The following SOBP variants were observed in gnomAD, a reference collection of about 807,000 sequenced individuals.
SOBP encodes sine oculis-binding protein homolog.
A neutral mutation model predicts 53.6 loss-of-function variants in SOBP; 4 were observed. The ratio of observed to expected loss-of-function variants is 0.07; its 90% CI spans 0.04 to 0.17. The LOEUF is 0.17. Among genes scored for constraint, SOBP ranks in the 10% least tolerant of loss-of-function variants. The pLI is 1.00. For synonymous variants in SOBP, 584 were observed against 522.6 expected (o/e 1.12, Z -1.60); for missense variants, 1,088 against 1,204.7 (o/e 0.90, Z 1.43).
intron 6 of SOBP, among the ~76,000 whole-genome samples, chr6:107,648,663 G>T (rs1002627493): frequency 2.6e-5 from 4 of 152,126 alleles, no homozygotes; most frequent in Admixed American, 6.5e-5. Context: ...GGCAAAGAAG[G>T]GGGGAGATGG....
chr6:107,599,206 G>T (rs1270135039), intron 5 of SOBP, among the ~76,000 whole-genome samples: 1 of 152,286 alleles, frequency 6.6e-6, no homozygotes, highest in South Asian at 2.1e-4. Context: ...AAAACAGAAA[G>T]AATAACTGTG....
chr6:107,533,732 G>A, intron 4 of SOBP, 122 bp downstream of exon 4: 3 of 1,268,882 alleles, frequency 2.4e-6, no homozygotes, highest in Non-Finnish European at 3.3e-6. Flanking sequence ...TATTCTCTCT[G>A]TTTTGTTGAT....
At chr6:107,554,248 C>CA (rs1011132433) in intron 4 of SOBP, among the ~76,000 whole-genome samples, 2 of 152,202 alleles carry the variant, frequency 1.3e-5, no homozygotes, top group Non-Finnish European at 2.9e-5. Flanking sequence ...AAACAAGTGA[C>CA]AGAGTTTTTC....
intron 4 of SOBP, among the ~76,000 whole-genome samples, chr6:107,535,613 TTGTG>T (rs561695029): frequency 2.0e-4 from 30 of 148,070 alleles, no homozygotes; most frequent in South Asian, 1.7e-3. Flanking sequence ...CTATGCCTTC[TTGTG>T]TGTGTGTGTG....
In SOBP at chr6:107,635,084, C is replaced by T; in HGVS notation, c.2240C>T (p.Pro747Leu). 1 of 1,582,980 alleles carries T rather than the reference C, an allele frequency of 6.3e-7. No individual in the cohort carries two copies. The highest frequency in any genetic ancestry group is 8.6e-7 in the Non-Finnish European group (1 of 1,165,606). The change falls in exon 6 of 7, where the codon CCG becomes CTG. Residue 747 changes from proline to leucine, a missense_variant. By Grantham distance (98) the Pro-to-Leu change is moderately conservative. Around this residue, in one of 6 missense-constraint regions of SOBP, gnomAD observed 665 missense variants for 629.7 expected, o/e 1.06. Coordinates refer to ENST00000317357, the MANE Select transcript of SOBP (RefSeq NM_018013.4). This position sits in a 1 kb window ranked among gnomAD's most constrained non-coding sequence, Gnocchi z 4.5. ...GAGCCGCCTCCCGAGCAGCCGCCGC[C>T]GCCGCCGCCGCCCGCGCCCCCCAAG... ...SAEPPPEQPP[P>L]PPPPAPPKKL...
At chr6:107,636,730 A>C (rs1436736160) in intron 6 of SOBP, among the ~76,000 whole-genome samples, 2 of 152,024 alleles carry the variant, frequency 1.3e-5, no homozygotes, top group East Asian at 3.9e-4. Context: ...GGGAGTGCAA[A>C]CTCCAGGAGG....
intron 1 of SOBP, among the ~76,000 whole-genome samples, chr6:107,491,931 G>A (rs543058480): frequency 3.3e-5 from 5 of 152,282 alleles, no homozygotes; most frequent in African/African-American, 1.2e-4. Context: ...AGCAGGGGAC[G>A]CATGGATATA....
At chr6:107,587,040 A>C in intron 4 of SOBP, 40 bp from the exon 5 acceptor site, 1 of 1,484,340 alleles carries the variant, frequency 6.7e-7, no homozygotes, top group Non-Finnish European at 9.4e-7. Flanking sequence ...TTCTTCCATT[A>C]TTTGTAAGTC....
chr6:107,607,536 C>G (rs141006605), intron 5 of SOBP, among the ~76,000 whole-genome samples: 1 of 152,082 alleles, frequency 6.6e-6, no homozygotes. Context: ...CTTTTTCTTA[C>G]GCATTTGGCA....
intron 3 of SOBP, among the ~76,000 whole-genome samples, chr6:107,527,709 G>C (rs1583175290): frequency 6.6e-6 from 1 of 152,300 alleles, no homozygotes; most frequent in South Asian, 2.1e-4. Context: ...AAGGTCCTCT[G>C]TCTCCATCTC....
At chr6:107,656,380 G>A (rs1772067711) in intron 6 of SOBP, among the ~76,000 whole-genome samples, 2 of 146,232 alleles carry the variant, frequency 1.4e-5, no homozygotes. Context: ...TAAGTCAAAT[G>A]TGAGCTCTTT....
intron 5 of SOBP, among the ~76,000 whole-genome samples, chr6:107,609,576 T>G (rs185899949): frequency 2.6e-5 from 4 of 152,344 alleles, no homozygotes; most frequent in Non-Finnish European, 5.9e-5. Flanking sequence ...GAATTTGTAC[T>G]TAACAAGTCA....
intron 6 of SOBP, among the ~76,000 whole-genome samples, chr6:107,649,763 T>G (rs1771725166): frequency 6.6e-6 from 1 of 151,950 alleles, no homozygotes; most frequent in South Asian, 2.1e-4. Context: ...AGAGACCTGG[T>G]CATTTGGTTT....
intron 5 of SOBP, among the ~76,000 whole-genome samples, chr6:107,621,595 A>G (rs1043660913): frequency 2.0e-5 from 3 of 152,190 alleles, no homozygotes; most frequent in African/African-American, 7.2e-5. Flanking sequence ...AGGCAATCCA[A>G]ATTATTCCTT....
Position 107,659,515 on chromosome 6 carries a change from C to CA in SOBP, c.*1318dup, listed in dbSNP as rs1772207181. On this transcript the variant is annotated 3_prime_UTR_variant, in exon 7 of 7. Coordinates refer to ENST00000317357, the MANE Select transcript of SOBP (RefSeq NM_018013.4). The stretch of plus-strand genomic sequence containing the variant: ...GAAGAGAAAAAATTAAGAAAAAAAT[C>CA]AAAAAAGGAAGAAAACTAAAAAAAA... 7.5e-6 allele frequency: 1 copy of CA among 132,950 alleles called. No homozygotes were observed. Among genetic ancestry groups the CA allele is most frequent in the Admixed American group, 9.1e-5 (1 of 10,994 alleles). 8.2% of individuals were successfully genotyped at this position (132,950 alleles called of 1,614,324 possible).
intron 4 of SOBP, among the ~76,000 whole-genome samples, chr6:107,540,220 G>C (rs1457926387): frequency 1.3e-5 from 2 of 152,198 alleles, no homozygotes. Flanking sequence ...GGCCCCATGG[G>C]GGATCCAAGC....
At chr6:107,582,722 A>T (rs1182068688) in intron 4 of SOBP, among the ~76,000 whole-genome samples, 1 of 152,204 alleles carries the variant, frequency 6.6e-6, no homozygotes, top group Non-Finnish European at 1.5e-5. Context: ...AAAATAACAC[A>T]CAAGGAGAGA....
intron 5 of SOBP, among the ~76,000 whole-genome samples, chr6:107,612,301 A>G (rs1786628066): frequency 6.6e-6 from 1 of 152,244 alleles, no homozygotes; most frequent in Non-Finnish European, 1.5e-5. Context: ...GTCTGAGTGC[A>G]GAATGAAAGA....
intron 5 of SOBP, among the ~76,000 whole-genome samples, chr6:107,624,048 G>A (rs1479410628): frequency 6.6e-6 from 1 of 152,218 alleles, no homozygotes; most frequent in African/African-American, 2.4e-5. Context: ...ATAACGAAGA[G>A]TCAATAAATG....
Sources: gnomAD v4.1 joint callset for allele counts (sites outside exome capture counted in the v4.1 genomes callset) on GRCh38, gnomAD v4.1.1 for gene constraint, gnomAD v4.1.1 regional missense constraint, Gnocchi (gnomAD v3.1) non-coding constraint, MANE v1.5 for transcripts, NCBI Gene and HGNC (gene_info 2026-07-23, HGNC 2026-07-21) for gene names.